The following EMID1 variants were observed in gnomAD, a reference collection of about 807,000 sequenced individuals.
EMID1 encodes EMI domain containing 1.
EMID1 carries 40 observed loss-of-function variants against 60.6 expected under a neutral mutation model. The ratio of observed to expected loss-of-function variants is 0.66; its 90% CI spans 0.51 to 0.86. The LOEUF is 0.86. Ranked by LOEUF, EMID1 falls within the 40% of genes least tolerant of loss-of-function variation. The pLI, the probability that EMID1 is intolerant of heterozygous loss-of-function variation, is 0.00. For missense variants in EMID1, 585 were observed against 597.1 expected (o/e 0.98, Z 0.21); for synonymous variants, 242 against 231.0 (o/e 1.05, Z -0.43).
At chr22:29,244,649 A>G (rs1233778870) in intron 13 of EMID1, among the ~76,000 whole-genome samples, 1 of 149,930 alleles carries the variant, frequency 6.7e-6, no homozygotes, top group Non-Finnish European at 1.5e-5. Context: ...AAAAAAAAAA[A>G]AAGAAAAGAA....
At chr22:29,225,903 G>A (rs146989291) in intron 4 of EMID1, among the ~76,000 whole-genome samples, 8 of 152,304 alleles carry the variant, frequency 5.3e-5, no homozygotes, top group Non-Finnish European at 1.2e-4. Flanking sequence ...CCAGGCGGCC[G>A]GGGGAGCGGT....
intron 14 of EMID1, 123 bp downstream of exon 14, chr22:29,254,410 C>A: frequency 1.1e-6 from 1 of 911,122 alleles, no homozygotes; most frequent in Non-Finnish European, 1.8e-6. Flanking sequence ...CTGCCCCAGG[C>A]AAGCATGGAC....
At chr22:29,219,243 C>T (rs2040198636) in intron 3 of EMID1, among the ~76,000 whole-genome samples, 2 of 152,136 alleles carry the variant, frequency 1.3e-5, no homozygotes, top group Non-Finnish European at 2.9e-5. Flanking sequence ...AGCTGGGATG[C>T]TGTGAGGCTG....
chr22:29,233,881 G>A, intron 10 of EMID1: 1 of 671,526 alleles, frequency 1.5e-6, no homozygotes, highest in Admixed American at 2.9e-5. Flanking sequence ...AACCATGTGT[G>A]GTTATCACCT....
intron 3 of EMID1, among the ~76,000 whole-genome samples, chr22:29,223,262 C>T (rs1232991851): frequency 1.3e-5 from 2 of 151,890 alleles, no homozygotes; most frequent in African/African-American, 4.8e-5. Flanking sequence ...TAATAACACG[C>T]TAGAAGGTAG....
intron 3 of EMID1, among the ~76,000 whole-genome samples, chr22:29,217,500 G>A (rs1361632160): frequency 6.6e-6 from 1 of 152,232 alleles, no homozygotes; most frequent in Non-Finnish European, 1.5e-5. Flanking sequence ...CCTGGGCTTG[G>A]GGGTGCTGCA....
At chr22:29,229,205 A>G (rs1270870612) in intron 5 of EMID1, among the ~76,000 whole-genome samples, 1 of 151,852 alleles carries the variant, frequency 6.6e-6, no homozygotes, top group Non-Finnish European at 1.5e-5. Context: ...TTAGTGGCAC[A>G]CAGCTGGCAC....
chr22:29,226,178 C>A lies in EMID1; in HGVS notation c.404-312C>A, dbSNP rs59941266. Among the ~76,000 whole-genome samples, 51 of 152,344 alleles carry A rather than the reference C, an allele frequency of 3.3e-4. No homozygotes were observed. The South Asian group carries it at 5.0e-3, about 15-fold the overall frequency. On this transcript the variant is annotated intron_variant, in intron 4 of 14. Transcript: ENST00000334018. ...AGTCCTCAGCCTCATCCATGGCCCC[C>A]GCCCCATTGCCATTTCTTGGCTTCT...
intron 12 of EMID1, among the ~76,000 whole-genome samples, chr22:29,238,832 A>G (rs2041057050): frequency 7.1e-6 from 1 of 140,724 alleles, no homozygotes; most frequent in Admixed American, 7.0e-5. Context: ...TGCTGGGATT[A>G]CAGGTGTGAG....
In EMID1 at chr22:29,258,959, CCT is replaced by C. The variant is rs2041810419; in HGVS notation, c.*16_*17del. The C allele has an allele frequency of 3.7e-6, 6 of 1,608,922 alleles. No individual in the cohort carries two copies. Among genetic ancestry groups the C allele is most frequent in the Non-Finnish European group, 4.2e-6 (5 of 1,177,966 alleles). On this transcript the variant is annotated 3_prime_UTR_variant, in exon 15 of 15. Transcript: ENST00000334018. ...AGAGAGGCTGAGGGTGGTGGCGGCC[CCT>C]GAGGCAGACCAGGCCAGGCTTCCCC... is the stretch of plus-strand genomic sequence containing the variant.
chr22:29,252,589 C>T (rs527766990), intron 13 of EMID1, among the ~76,000 whole-genome samples: 3 of 152,126 alleles, frequency 2.0e-5, no homozygotes, highest in African/African-American at 7.2e-5. Context: ...AGACTATGGA[C>T]CATATGCTGG....
At chr22:29,247,911 G>T (rs1365687437) in intron 13 of EMID1, among the ~76,000 whole-genome samples, 1 of 151,154 alleles carries the variant, frequency 6.6e-6, no homozygotes, top group African/African-American at 2.4e-5. Context: ...AATTACAGGC[G>T]TGAGCCACCG....
At position 29,231,817 on chromosome 22, in the gene EMID1, G is replaced by A. The variant is rs1337326387; in HGVS notation, c.676+135G>A. 56 of 841,622 alleles carry A rather than the reference G, an allele frequency of 6.7e-5. 1 individual carries two copies. The South Asian group carries it at 7.6e-4, about 11-fold the overall frequency. 52.1% of individuals were successfully genotyped at this position (841,622 alleles called of 1,614,324 possible). ...GCCTCTTCACTCAGCACCCCACCAC[G>A]GAGTGCCCTGCCCACGCCTGGGCTC... is the stretch of plus-strand genomic sequence containing the variant. On this transcript the variant is annotated intron_variant, in intron 7 of 14. Coordinates refer to ENST00000334018, the MANE Select transcript of EMID1 (RefSeq NM_133455.4).
chr22:29,259,207 A>C lies in EMID1; in HGVS notation c.*263A>C, dbSNP rs2058075396. 1 of 512,606 alleles carries C rather than the reference A, an allele frequency of 2.0e-6. No individual in the cohort carries two copies. Among genetic ancestry groups the C allele is most frequent in the African/African-American group, 2.0e-5 (1 of 49,502 alleles). 31.8% of individuals were successfully genotyped at this position (512,606 alleles called of 1,614,324 possible). A position where few individuals can be genotyped will look rare whatever the true frequency, so the allele number is the denominator to read the frequency against. ...GGCCTTCAAGGAGGGATAGAGGTAC[A>C]AGGCTTCGTCTCATCTGCTGTCTGA... On this transcript the variant is annotated 3_prime_UTR_variant, in exon 15 of 15. Coordinates refer to ENST00000334018, the MANE Select transcript of EMID1 (RefSeq NM_133455.4).
intron 1 of EMID1, among the ~76,000 whole-genome samples, chr22:29,210,456 G>A (rs186544137): frequency 8.6e-5 from 13 of 151,970 alleles, no homozygotes; most frequent in Admixed American, 1.3e-4. Context: ...GGCTGGTCTC[G>A]AACTCCCGAC....
chr22:29,232,197 G>A, intron 7 of EMID1, 59 bp from the exon 8 acceptor site: 4 of 1,607,800 alleles, frequency 2.5e-6, no homozygotes, highest in Non-Finnish European at 3.4e-6. Flanking sequence ...TGTCGCTCAA[G>A]GCCACCCTGG....
At chr22:29,249,352 C>T (rs1328776535) in intron 13 of EMID1, among the ~76,000 whole-genome samples, 3 of 151,698 alleles carry the variant, frequency 2.0e-5, no homozygotes, top group Admixed American at 6.6e-5. Context: ...CTACAACCTC[C>T]GCCTTCCAGG....
chr22:29,232,323 TCCTGGGCCACCAGGGCCTCCTGGCCCC>T lies in EMID1; in HGVS notation c.753_779del (p.Gly253_Pro261del). On this transcript the variant is annotated inframe_deletion, in exon 8 of 15. Coordinates refer to ENST00000334018, the MANE Select transcript of EMID1 (RefSeq NM_133455.4). Reference sequence around the variant, plus strand: ...TGGGCACCCCTGGAGAGAGGGGACCTCCTGGGCCACCAGGGCCTCCTGGCCCCCCTGGGCCCCCAGCCCCTGTTGGGC... The same window carrying T: ...TGGGCACCCCTGGAGAGAGGGGACCTCCTGGGCCCCCAGCCCCTGTTGGGC... 1 of 1,610,184 alleles carries T rather than the reference TCCTGGGCCACCAGGGCCTCCTGGCCCC, an allele frequency of 6.2e-7. No homozygotes were observed. The highest frequency in any genetic ancestry group is 2.2e-5 in the East Asian group (1 of 44,848).
intron 12 of EMID1, among the ~76,000 whole-genome samples, chr22:29,240,421 A>G (rs2041111012): frequency 6.6e-6 from 1 of 152,134 alleles, no homozygotes; most frequent in Non-Finnish European, 1.5e-5. Context: ...TCTGGGGTCC[A>G]GGGTCAAGAA....
Sources: gnomAD v4.1 joint callset for allele counts (sites outside exome capture counted in the v4.1 genomes callset) on GRCh38, gnomAD v4.1.1 for gene constraint, MANE v1.5 for transcripts, NCBI Gene and HGNC (gene_info 2026-07-23, HGNC 2026-07-21) for gene names.